OPCML: variants seen among roughly 807,000 people sequenced by gnomAD.
OPCML encodes the protein opioid binding protein/cell adhesion molecule like.
A neutral mutation model predicts 37.8 loss-of-function variants in OPCML; 13 were observed. The ratio of observed to expected loss-of-function variants is 0.34; its 90% CI spans 0.22 to 0.55. OPCML has a LOEUF of 0.55. OPCML is among the 20% of genes least tolerant of loss of function. The pLI is 0.91. For synonymous variants in OPCML, 176 were observed against 168.8 expected, an observed-to-expected ratio of 1.04 and a Z score of -0.33; for missense variants, 341 against 435.6, an observed-to-expected ratio of 0.78 and a Z score of 1.93.
intron 4 of OPCML, among the ~76,000 whole-genome samples, chr11:132,453,265 G>A (rs2096073131): frequency 6.6e-6 from 1 of 152,184 alleles, no homozygotes; most frequent in African/African-American, 2.4e-5. Context: ...GGTTAGGAAA[G>A]CTGTACTACA....
intron 2 of OPCML, among the ~76,000 whole-genome samples, chr11:132,922,122 C>G (rs1015692643): frequency 1.3e-5 from 2 of 152,110 alleles, no homozygotes; most frequent in African/African-American, 4.8e-5. Flanking sequence ...TCGTGATCCA[C>G]CCGCCTCGGC....
intron 1 of OPCML, among the ~76,000 whole-genome samples, chr11:133,515,478 A>C (rs1290425040): frequency 6.6e-6 from 1 of 152,178 alleles, no homozygotes; most frequent in Non-Finnish European, 1.5e-5. Context: ...ATTGTGCCTA[A>C]AACGTCAAGA....
chr11:133,244,767 T>G (rs527436288), intron 1 of OPCML, among the ~76,000 whole-genome samples: 22 of 152,306 alleles, frequency 1.4e-4, no homozygotes, highest in African/African-American at 5.3e-4. Context: ...CTGCCACAAT[T>G]GTAAGTTTCC....
rs182495039 is a variant in OPCML, at chr11:132,881,651, G to A, written c.146+61275C>T. 1.4e-4 allele frequency among the ~76,000 whole-genome samples: 21 copies of A among 152,046 alleles called. No individual in the cohort carries two copies. In the East Asian group the frequency reaches 1.7e-3, roughly 13 times the overall value. ...TAATAATAAAAAAGAAAAAAAGGCC[G>A]TCTTCAGAAAACAAAAAATGGCATG... is the stretch of plus-strand genomic sequence containing the variant. On this transcript the variant is annotated intron_variant, in intron 2 of 7. Transcript: ENST00000524381.
At chr11:133,077,322 T>C (rs10894648) in intron 1 of OPCML, among the ~76,000 whole-genome samples, 1 of 151,590 alleles carries the variant, frequency 6.6e-6, no homozygotes, top group Non-Finnish European at 1.5e-5. Context: ...TTTCCAGCCC[T>C]GCCCTCATTT....
At chr11:132,435,923 G>A (rs2096011432) in intron 7 of OPCML, among the ~76,000 whole-genome samples, 163 bp downstream of exon 7, 1 of 152,174 alleles carries the variant, frequency 6.6e-6, no homozygotes, top group African/African-American at 2.4e-5. Context: ...ATCTCTGCAT[G>A]GCATGCTAGG....
Position 133,349,416 on chromosome 11 carries a change from C to T in OPCML, c.61+182848G>A, listed in dbSNP as rs1031462492. ...AATTCCTCAGGTATTGTGGGAAGTA[C>T]CTGAACCAGGTAGTTCCATTTTAAA... On this transcript the variant is annotated intron_variant, in intron 1 of 7. Coordinates refer to ENST00000524381, the MANE Select transcript of OPCML (RefSeq NM_001012393.5). 3.3e-5 allele frequency among the ~76,000 whole-genome samples: 5 copies of T among 152,218 alleles called. No homozygotes were observed. The South Asian group carries it at 1.0e-3, about 32-fold the overall frequency.
At chr11:132,445,738 TA>T (rs1329643644) in intron 4 of OPCML, among the ~76,000 whole-genome samples, 3 of 152,170 alleles carry the variant, frequency 2.0e-5, no homozygotes, top group Non-Finnish European at 2.9e-5. Context: ...TCAGGGTTGG[TA>T]AGTTGAGGAC....
intron 2 of OPCML, among the ~76,000 whole-genome samples, chr11:132,830,764 G>A (rs1419461800): frequency 1.3e-5 from 2 of 152,130 alleles, no homozygotes; most frequent in Non-Finnish European, 2.9e-5. Context: ...AATTGTACAT[G>A]TGTCATACCT....
At chr11:132,487,230 T>C (rs1049597942) in intron 4 of OPCML, among the ~76,000 whole-genome samples, 1 of 152,180 alleles carries the variant, frequency 6.6e-6, no homozygotes, top group African/African-American at 2.4e-5. Flanking sequence ...TCATGTACAA[T>C]GACAAATCCA....
Position 132,555,006 on chromosome 11 carries a change from C to T in OPCML, c.380-25820G>A, listed in dbSNP as rs183797874. On this transcript the variant is annotated intron_variant, in intron 3 of 7. Transcript: ENST00000524381. ...TCCTAAAAAGTCCTTAGGATGCACA[C>T]TTAGAGAGTCCATAATGTCAAGAGA... Among the ~76,000 whole-genome samples the T allele has an allele frequency of 2.0e-4, 31 of 151,314 alleles. 1 individual carries two copies. In the East Asian group the frequency reaches 6.1e-3, roughly 30 times the overall value.
chr11:132,859,883 T>C lies in OPCML; in HGVS notation c.146+83043A>G, dbSNP rs150581958. On this transcript the variant is annotated intron_variant, in intron 2 of 7. Coordinates refer to ENST00000524381, the MANE Select transcript of OPCML (RefSeq NM_001012393.5). Reference sequence around the variant, plus strand: ...ACGGTACTATGGGCTCAGCTACATATATATATGAGACCTCAGCTTCCTAGC... The same window carrying C: ...ACGGTACTATGGGCTCAGCTACATACATATATGAGACCTCAGCTTCCTAGC... 3.3e-4 allele frequency: 51 copies of C among 152,310 alleles called. 1 individual carries two copies. The highest frequency in any genetic ancestry group is 1.1e-3 in the African/African-American group (47 of 41,580). 9.4% of individuals were successfully genotyped at this position (152,310 alleles called of 1,614,324 possible).
intron 3 of OPCML, among the ~76,000 whole-genome samples, chr11:132,565,697 T>C (rs1268068260): frequency 1.3e-5 from 2 of 152,222 alleles, no homozygotes; most frequent in Non-Finnish European, 1.5e-5. Flanking sequence ...TCTGCTTTCA[T>C]TTCTTTGATC....
intron 1 of OPCML, among the ~76,000 whole-genome samples, chr11:133,115,475 C>T (rs1331140483): frequency 6.6e-6 from 1 of 152,144 alleles, no homozygotes; most frequent in Non-Finnish European, 1.5e-5. Flanking sequence ...ACAGGTCTAT[C>T]TGAAGTCGAA....
At chr11:133,134,954 C>T (rs4245113) in intron 1 of OPCML, among the ~76,000 whole-genome samples, 148,584 of 152,302 alleles carry the variant, frequency 0.98, 72,510 homozygotes, top group East Asian at 1. Flanking sequence ...TCTTCATTTC[C>T]TGGATATTGT....
At chr11:132,553,443 C>T (rs145275047) in intron 3 of OPCML, among the ~76,000 whole-genome samples, 325 of 152,172 alleles carry the variant, frequency 2.1e-3, no homozygotes, top group African/African-American at 6.8e-3. Context: ...CCCAGTGTAC[C>T]GACAAGTGAC....
chr11:132,668,524 G>A (rs1942321229), intron 2 of OPCML, among the ~76,000 whole-genome samples: 1 of 152,162 alleles, frequency 6.6e-6, no homozygotes, highest in African/African-American at 2.4e-5. Context: ...AGTGATGCGT[G>A]TTGAGAATAG....
At chr11:132,519,231 T>G (rs764008615) in intron 4 of OPCML, among the ~76,000 whole-genome samples, 8 of 152,132 alleles carry the variant, frequency 5.3e-5, no homozygotes, top group Non-Finnish European at 1.0e-4. Context: ...TACTACTTAT[T>G]TCTTAGTGAG....
chr11:132,469,437 G>T (rs537303763), intron 4 of OPCML, among the ~76,000 whole-genome samples: 2 of 151,182 alleles, frequency 1.3e-5, no homozygotes, highest in South Asian at 4.2e-4. Flanking sequence ...GTATGTGTGT[G>T]TGAATGTATG....
Sources: gnomAD v4.1 joint callset for allele counts (sites outside exome capture counted in the v4.1 genomes callset) on GRCh38, gnomAD v4.1.1 for gene constraint, MANE v1.5 for transcripts, NCBI Gene and HGNC (gene_info 2026-07-23, HGNC 2026-07-21) for gene names.